Variants in KCNH7 observed in about 807,000 individuals in gnomAD.
The protein encoded by KCNH7 is voltage-gated inwardly rectifying potassium channel KCNH7.
A neutral mutation model predicts 120.8 loss-of-function variants in KCNH7; 49 were observed. The ratio of observed to expected loss-of-function variants is 0.41; its 90% CI spans 0.32 to 0.51. The LOEUF (loss-of-function observed/expected upper bound fraction) is 0.51. Ranked by LOEUF, KCNH7 falls within the 20% of genes least tolerant of loss-of-function variation. KCNH7 has a pLI of 0.38. For synonymous variants in KCNH7, 547 were observed against 516.1 expected (o/e 1.06, Z -0.81); for missense variants, 1,097 against 1,446.6 (o/e 0.76, Z 3.92).
At chr2:162,559,059 A>AG (rs1692965376) in intron 2 of KCNH7, among the ~76,000 whole-genome samples, 3 of 150,160 alleles carry the variant, frequency 2.0e-5, no homozygotes, top group Non-Finnish European at 4.4e-5. Context: ...TGCCTCAAAA[A>AG]AAAAAAAAAA....
chr2:162,407,204 A>T (rs1444200918), intron 9 of KCNH7, among the ~76,000 whole-genome samples: 1 of 152,022 alleles, frequency 6.6e-6, no homozygotes, highest in Non-Finnish European at 1.5e-5. Context: ...GCTTTTCAAC[A>T]TTTGGCATAT....
chr2:162,500,804 CAAAG>C (rs369914458), intron 6 of KCNH7, among the ~76,000 whole-genome samples: 41 of 152,080 alleles, frequency 2.7e-4, no homozygotes, highest in African/African-American at 8.7e-4. Context: ...AATTTCCTGA[CAAAG>C]AGAATCTCCA....
intron 2 of KCNH7, among the ~76,000 whole-genome samples, chr2:162,758,170 G>A (rs551681791): frequency 2.7e-4 from 41 of 152,294 alleles, no homozygotes; most frequent in South Asian, 1.7e-3. Context: ...TGTTTAATTA[G>A]TGTGTTCTAG....
chr2:162,682,216 T>C (rs1412143600), intron 2 of KCNH7, among the ~76,000 whole-genome samples: 3 of 151,648 alleles, frequency 2.0e-5, no homozygotes, highest in Admixed American at 6.6e-5. Flanking sequence ...GAAAAAAATA[T>C]GTATCTGAAT....
At chr2:162,607,216 A>C (rs998574798) in intron 2 of KCNH7, among the ~76,000 whole-genome samples, 1 of 114,210 alleles carries the variant, frequency 8.8e-6, no homozygotes, top group South Asian at 3.2e-4. Context: ...CTCTACTAAA[A>C]ATACAAAAAA....
chr2:162,561,065 T>C (rs1012066399), intron 2 of KCNH7, among the ~76,000 whole-genome samples: 1 of 145,586 alleles, frequency 6.9e-6, no homozygotes, highest in Admixed American at 6.9e-5. Context: ...TTTTTTTTTT[T>C]ACTATCTGGA....
At chr2:162,479,416 T>C (rs1689851541) in intron 6 of KCNH7, among the ~76,000 whole-genome samples, 3 of 152,154 alleles carry the variant, frequency 2.0e-5, no homozygotes, top group Non-Finnish European at 2.9e-5. Context: ...TGTTTATTTG[T>C]TTATGAGAAC....
At chr2:162,743,865 A>G (rs1688222445) in intron 2 of KCNH7, among the ~76,000 whole-genome samples, 1 of 152,170 alleles carries the variant, frequency 6.6e-6, no homozygotes, top group Admixed American at 6.5e-5. Context: ...GAGAAATAAT[A>G]TATTTTAAAA....
chr2:162,664,510 T>G (rs771290336), intron 2 of KCNH7, among the ~76,000 whole-genome samples: 5 of 152,146 alleles, frequency 3.3e-5, no homozygotes, highest in South Asian at 2.1e-4. Context: ...GATACACAAT[T>G]AGTTGATAGT....
At chr2:162,748,315 A>T (rs1256578427) in intron 2 of KCNH7, among the ~76,000 whole-genome samples, 1 of 152,192 alleles carries the variant, frequency 6.6e-6, no homozygotes, top group Non-Finnish European at 1.5e-5. Flanking sequence ...AGTGATATCC[A>T]GGTTGAATTT....
intron 12 of KCNH7, among the ~76,000 whole-genome samples, chr2:162,390,073 C>T (rs1431837204): frequency 6.6e-6 from 1 of 151,898 alleles, no homozygotes; most frequent in East Asian, 1.9e-4. Context: ...CTGCTGTCCT[C>T]ATTGGATTAT....
chr2:162,806,282 A>C (rs1312070944), intron 2 of KCNH7, among the ~76,000 whole-genome samples: 1 of 152,214 alleles, frequency 6.6e-6, no homozygotes, highest in Non-Finnish European at 1.5e-5. Flanking sequence ...AGCTTAGCTT[A>C]GCTAACTCAA....
intron 9 of KCNH7, among the ~76,000 whole-genome samples, chr2:162,414,148 G>A (rs182276186): frequency 5.9e-5 from 9 of 152,046 alleles, no homozygotes; most frequent in Non-Finnish European, 1.2e-4. Flanking sequence ...AGGGGGAAAA[G>A]TACCAACATT....
intron 2 of KCNH7, among the ~76,000 whole-genome samples, chr2:162,560,310 C>T (rs936014772): frequency 1.3e-5 from 2 of 152,164 alleles, no homozygotes; most frequent in African/African-American, 4.8e-5. Context: ...GATGTCTGTG[C>T]TAAAAAGCTC....
At chr2:162,720,505 T>C (rs968221931) in intron 2 of KCNH7, among the ~76,000 whole-genome samples, 3 of 152,122 alleles carry the variant, frequency 2.0e-5, no homozygotes, top group African/African-American at 4.8e-5. Flanking sequence ...CATATGTATA[T>C]CCATTTATAC....
intron 6 of KCNH7, among the ~76,000 whole-genome samples, chr2:162,502,981 G>T (rs1213230378): frequency 1.3e-5 from 2 of 152,038 alleles, no homozygotes; most frequent in East Asian, 3.9e-4. Flanking sequence ...CTTAAATTCT[G>T]CATTTCCAGC....
At chr2:162,523,961 A>G (rs1038678524) in intron 3 of KCNH7, among the ~76,000 whole-genome samples, 1 of 151,864 alleles carries the variant, frequency 6.6e-6, no homozygotes, top group Non-Finnish European at 1.5e-5. Flanking sequence ...TAGTCAAGCA[A>G]ATTAGACACC....
chr2:162,543,284 G>C (rs890280209), intron 2 of KCNH7, among the ~76,000 whole-genome samples: 2 of 149,006 alleles, frequency 1.3e-5, no homozygotes, highest in Non-Finnish European at 3.0e-5. Context: ...ACACACATAC[G>C]CACACACACA....
intron 2 of KCNH7, among the ~76,000 whole-genome samples, chr2:162,804,978 T>C (rs1039021474): frequency 6.6e-6 from 1 of 150,648 alleles, no homozygotes; most frequent in African/African-American, 2.4e-5. Context: ...CAAACATAAG[T>C]TGGGGAAAGG....
Sources: gnomAD v4.1 joint callset for allele counts (sites outside exome capture counted in the v4.1 genomes callset) on GRCh38, gnomAD v4.1.1 for gene constraint, MANE v1.5 for transcripts, NCBI Gene and HGNC (gene_info 2026-07-23, HGNC 2026-07-21) for gene names.